The following SYNJ2 variants were observed in gnomAD, a reference collection of about 807,000 sequenced individuals.
SYNJ2 encodes the protein polyphosphatidylinositol phosphatase SYNJ2.
In SYNJ2, 116 loss-of-function variants were observed where a neutral mutation model predicts 141.3. That is an observed-to-expected ratio of 0.82 (90% CI 0.71 to 0.96). The LOEUF is 0.96. SYNJ2 is among the 40% of genes least tolerant of loss of function. The pLI is 0.00. For synonymous variants in SYNJ2, 745 were observed against 777.7 expected (o/e 0.96, Z 0.70); for missense variants, 1,873 against 1,934.8 (o/e 0.97, Z 0.60).
intron 25 of SYNJ2, among the ~76,000 whole-genome samples, chr6:158,092,196 G>A (rs990297446): frequency 1.4e-4 from 21 of 151,842 alleles, no homozygotes; most frequent in African/African-American, 5.1e-4. Flanking sequence ...TCTTGGTCAT[G>A]GCCCCATTGA....
At position 158,017,341 on chromosome 6, in the gene SYNJ2, G is replaced by A. The variant is rs776408745; in HGVS notation, c.214+51G>A. ...AGGCGCCAGGCTCCCCGGTGGGCAG[G>A]AGCCTCTGTGTCGGAAGGGGCCTCA... On this transcript the variant is annotated intron_variant, in intron 2 of 26. Transcript: ENST00000355585. 15 of 1,570,276 alleles carry A rather than the reference G, an allele frequency of 9.6e-6. No homozygotes were observed. In the East Asian group the frequency reaches 1.8e-4, roughly 19 times the overall value.
At chr6:158,015,730 C>T (rs1045729821) in intron 1 of SYNJ2, among the ~76,000 whole-genome samples, 8 of 152,032 alleles carry the variant, frequency 5.3e-5, no homozygotes, top group Non-Finnish European at 8.8e-5. Context: ...CTGGATTTTG[C>T]GATTTAATAT....
chr6:158,061,632 G>T (rs952639678), intron 7 of SYNJ2, among the ~76,000 whole-genome samples: 11 of 152,176 alleles, frequency 7.2e-5, no homozygotes, highest in Non-Finnish European at 1.2e-4. Context: ...ATCTCTGAGG[G>T]CCTGGGGCAC....
At chr6:158,075,861 A>G (rs1343861855) in intron 16 of SYNJ2, among the ~76,000 whole-genome samples, 1 of 152,132 alleles carries the variant, frequency 6.6e-6, no homozygotes, top group Admixed American at 6.6e-5. Flanking sequence ...GCCCAAGAGA[A>G]TGAGGGTGTG....
At chr6:158,072,460 G>A (rs542965785) in intron 15 of SYNJ2, among the ~76,000 whole-genome samples, 1 of 152,250 alleles carries the variant, frequency 6.6e-6, no homozygotes, top group Admixed American at 6.5e-5. Flanking sequence ...TGGTGCACAC[G>A]AGGCCACCTC....
chr6:158,045,171 A>C (rs1246748070), intron 5 of SYNJ2, among the ~76,000 whole-genome samples: 1 of 139,602 alleles, frequency 7.2e-6, no homozygotes, highest in Non-Finnish European at 1.5e-5. Flanking sequence ...GCAGTGGTGC[A>C]ATCTCGGCTC....
chr6:158,096,404 C>G lies in SYNJ2; in HGVS notation c.*40C>G, dbSNP rs565552140. On this transcript the variant is annotated 3_prime_UTR_variant, in exon 27 of 27. Transcript: ENST00000355585. ...AGGCTGCAGTCCTATAGAATGCATA[C>G]CTTCCTCCCTCTAGACATCCCTCCA... The G allele has an allele frequency of 1.3e-6, 2 of 1,530,010 alleles. No individual in the cohort carries two copies. Among genetic ancestry groups the G allele is most frequent in the South Asian group, 2.6e-5 (2 of 77,134 alleles). The allele number at this position is 1,530,010 out of a possible 1,614,324, so 94.8% of individuals were successfully genotyped here. A position where few individuals can be genotyped will look rare whatever the true frequency, so the allele number is the denominator to read the frequency against.
At chr6:157,984,648 C>T (rs7742048) in intron 1 of SYNJ2, among the ~76,000 whole-genome samples, 33,107 of 152,146 alleles carry the variant, frequency 0.22, 3,953 homozygotes, top group Middle Eastern at 0.3. Flanking sequence ...AGGTGATCCA[C>T]CTGCTTTGGC....
chr6:158,001,350 CT>C (rs1475319215), intron 1 of SYNJ2: 1 of 150,796 alleles, frequency 6.6e-6, no homozygotes, highest in Admixed American at 6.6e-5. Flanking sequence ...GATGATTTTG[CT>C]TCCTATTTCA....
intron 1 of SYNJ2, among the ~76,000 whole-genome samples, chr6:158,008,858 G>T (rs985949922): frequency 1.3e-5 from 2 of 152,158 alleles, no homozygotes; most frequent in African/African-American, 4.8e-5. Context: ...GAGCAGCCAG[G>T]ATGATCCCCA....
chr6:157,982,096 C>T lies in SYNJ2; in HGVS notation c.127+8C>T, dbSNP rs1362435549. 6 of 1,321,968 alleles carry T rather than the reference C, an allele frequency of 4.5e-6. 1 individual carries two copies. In the South Asian group the frequency reaches 5.9e-5, roughly 13 times the overall value. The allele number at this position is 1,321,968 out of a possible 1,614,324, so 81.9% of individuals were successfully genotyped here. A position where few individuals can be genotyped will look rare whatever the true frequency, so the allele number is the denominator to read the frequency against. On this transcript the variant is annotated splice_region_variant and intron_variant, in intron 1 of 26. Coordinates refer to ENST00000355585, the MANE Select transcript of SYNJ2 (RefSeq NM_003898.4). The surrounding 1 kb of genome is among the most constrained non-coding windows in gnomAD (Gnocchi z 4.0). ...GCACGGTGGCCACGCTGGGTGAGTC[C>T]GGGCCGGGGGCAGCGACGCCCGGAG... is the stretch of plus-strand genomic sequence containing the variant.
intron 5 of SYNJ2, among the ~76,000 whole-genome samples, chr6:158,050,390 C>T (rs1302517660): frequency 6.6e-6 from 1 of 152,242 alleles, no homozygotes; most frequent in Non-Finnish European, 1.5e-5. Context: ...CTTAACAGAT[C>T]CCTTCTGCCC....
chr6:158,069,541 A>G lies in SYNJ2; in HGVS notation c.1808A>G (p.Asn603Ser). The G allele has an allele frequency of 6.2e-7, 1 of 1,612,898 alleles. No individual in the cohort carries two copies. The highest frequency in any genetic ancestry group is 8.5e-7 in the Non-Finnish European group (1 of 1,179,212). The change falls in exon 14 of 27, where the codon AAC (asparagine) becomes AGC (serine). Residue 603 changes from asparagine to serine, a missense_variant. Coordinates refer to ENST00000355585, the MANE Select transcript of SYNJ2 (RefSeq NM_003898.4). ...TTCCTTTTCTCTTCCAGTACTACCA[A>G]CAAGAAGATGTGGGGTGAACAGCTT... ...AGNIVNASTT[N>S]KKMWGEQLQK...
chr6:158,069,477 G>A, intron 13 of SYNJ2, 56 bp from the exon 14 acceptor site: 2 of 1,575,690 alleles, frequency 1.3e-6, no homozygotes, highest in Non-Finnish European at 1.7e-6. Flanking sequence ...TGGTAGGTGG[G>A]AGATAGATGT....
chr6:157,999,483 A>G (rs1160491543), intron 1 of SYNJ2, among the ~76,000 whole-genome samples: 1 of 152,238 alleles, frequency 6.6e-6, no homozygotes, highest in African/African-American at 2.4e-5. Context: ...GCTTCCAGAC[A>G]AGCCCAGATT....
chr6:158,046,276 G>A (rs1392660678), intron 5 of SYNJ2, among the ~76,000 whole-genome samples: 2 of 152,124 alleles, frequency 1.3e-5, no homozygotes, highest in African/African-American at 2.4e-5. Flanking sequence ...AGCTTCAGAA[G>A]GCTTTAGTGT....
At position 158,063,809 on chromosome 6, in the gene SYNJ2, G is replaced by A. The variant is rs150465634; in HGVS notation, c.1146G>A (p.Leu382=). 6.2e-7 allele frequency: 1 copy of A among 1,613,334 alleles called. No homozygotes were observed. The highest frequency in any genetic ancestry group is 8.5e-7 in the Non-Finnish European group (1 of 1,179,632). The change falls in exon 9 of 27, where the codon TTG becomes TTA. Residue 382 remains leucine, a synonymous_variant. Transcript: ENST00000355585. The stretch of plus-strand genomic sequence containing the variant: ...TCCTAAGTTTTCAGAAAGGCACTTT[G>A]CGGATGAACTGTCTTGACTGCCTGG... The part of the protein sequence containing the change: ...NVSPRFQKGT[L]RMNCLDCLDR...
At chr6:158,058,744 T>C (rs562082669) in intron 6 of SYNJ2, among the ~76,000 whole-genome samples, 1 of 152,230 alleles carries the variant, frequency 6.6e-6, no homozygotes, top group Admixed American at 6.5e-5. Flanking sequence ...CTGGACAACA[T>C]AGCAAGACCC....
chr6:158,010,949 G>T (rs1778243305), intron 1 of SYNJ2, among the ~76,000 whole-genome samples: 1 of 142,364 alleles, frequency 7.0e-6, no homozygotes, highest in African/African-American at 2.6e-5. Context: ...ATGGCCTTGG[G>T]ACGACAGGAC....
Sources: gnomAD v4.1 joint callset for allele counts (sites outside exome capture counted in the v4.1 genomes callset) on GRCh38, gnomAD v4.1.1 for gene constraint, Gnocchi (gnomAD v3.1) non-coding constraint, MANE v1.5 for transcripts, NCBI Gene and HGNC (gene_info 2026-07-23, HGNC 2026-07-21) for gene names.